CNTNAP2: variants seen among roughly 807,000 people sequenced by gnomAD.
The protein encoded by CNTNAP2 is contactin associated protein 2.
In CNTNAP2, 98 loss-of-function variants were observed where a neutral mutation model predicts 155.2. The ratio of observed to expected loss-of-function variants is 0.63; its 90% CI spans 0.54 to 0.75. The LOEUF (loss-of-function observed/expected upper bound fraction) is 0.75. CNTNAP2 is among the 30% of genes least tolerant of loss of function. CNTNAP2 has a pLI of 0.00. For missense variants in CNTNAP2, 1,727 were observed against 1,688.1 expected, an observed-to-expected ratio of 1.02 and a Z score of -0.40; for synonymous variants, 651 against 631.2, an observed-to-expected ratio of 1.03 and a Z score of -0.47.
intron 22 of CNTNAP2, among the ~76,000 whole-genome samples, chr7:148,406,809 C>T (rs940125513): frequency 6.6e-6 from 1 of 152,188 alleles, no homozygotes; most frequent in Admixed American, 6.5e-5. Flanking sequence ...TCTTCCTGTG[C>T]TTATGGTTTA....
At chr7:148,285,337 G>A (rs559501489) in intron 21 of CNTNAP2, among the ~76,000 whole-genome samples, 2 of 152,366 alleles carry the variant, frequency 1.3e-5, no homozygotes, top group South Asian at 4.1e-4. Flanking sequence ...CTTCTCCAAG[G>A]TAAATTCATT....
chr7:148,265,005 T>C (rs1250578437), intron 20 of CNTNAP2, among the ~76,000 whole-genome samples: 2 of 152,182 alleles, frequency 1.3e-5, no homozygotes, highest in East Asian at 3.9e-4. Flanking sequence ...AATTTAGTTT[T>C]TAAATTGTAA....
chr7:146,445,023 A>G (rs1796382652), intron 1 of CNTNAP2, among the ~76,000 whole-genome samples: 1 of 152,132 alleles, frequency 6.6e-6, no homozygotes, highest in African/African-American at 2.4e-5. Flanking sequence ...CACCAGGGAC[A>G]TTCTGCTCAA....
intron 1 of CNTNAP2, among the ~76,000 whole-genome samples, chr7:146,189,076 T>A (rs1019531851): frequency 1.3e-5 from 2 of 152,198 alleles, no homozygotes; most frequent in African/African-American, 4.8e-5. Flanking sequence ...GAAACACAGA[T>A]TGATAATAAA....
intron 21 of CNTNAP2, among the ~76,000 whole-genome samples, chr7:148,315,283 G>A (rs887362681): frequency 6.6e-5 from 10 of 152,142 alleles, no homozygotes; most frequent in Admixed American, 5.9e-4. Flanking sequence ...CTGGGTGCAG[G>A]CAGGCTGAGT....
intron 9 of CNTNAP2, among the ~76,000 whole-genome samples, chr7:147,310,677 A>G (rs1166835825): frequency 6.6e-6 from 1 of 152,208 alleles, no homozygotes; most frequent in Non-Finnish European, 1.5e-5. Flanking sequence ...GTGCTTTAAC[A>G]AAAAGAAAAA....
intron 1 of CNTNAP2, among the ~76,000 whole-genome samples, chr7:146,338,381 T>A (rs1476599232): frequency 6.6e-6 from 1 of 152,106 alleles, no homozygotes; most frequent in African/African-American, 2.4e-5. Flanking sequence ...TGCACGTATT[T>A]AAATTGAATA....
intron 1 of CNTNAP2, among the ~76,000 whole-genome samples, chr7:146,133,931 T>A (rs1797757256): frequency 6.6e-6 from 1 of 151,492 alleles, no homozygotes; most frequent in African/African-American, 2.4e-5. Context: ...TTTAAAGTAG[T>A]TTTTTCCAAT....
At chr7:146,620,648 T>C (rs1165699564) in intron 1 of CNTNAP2, among the ~76,000 whole-genome samples, 2 of 152,162 alleles carry the variant, frequency 1.3e-5, no homozygotes, top group Non-Finnish European at 2.9e-5. Context: ...ATATCCCACA[T>C]GTATTATGCA....
chr7:148,036,510 T>G (rs1802576502), intron 15 of CNTNAP2, among the ~76,000 whole-genome samples: 1 of 152,076 alleles, frequency 6.6e-6, no homozygotes, highest in African/African-American at 2.4e-5. Flanking sequence ...ATGCTTTCCA[T>G]GTGATGCTTT....
intron 6 of CNTNAP2, among the ~76,000 whole-genome samples, chr7:147,127,450 A>T (rs1395303562): frequency 1.3e-5 from 2 of 152,140 alleles, no homozygotes; most frequent in East Asian, 1.9e-4. Context: ...TAAGCATTTA[A>T]GATGCCATAA....
intron 8 of CNTNAP2, among the ~76,000 whole-genome samples, chr7:147,196,789 C>T (rs932410941): frequency 3.9e-5 from 6 of 152,096 alleles, no homozygotes; most frequent in African/African-American, 1.4e-4. Flanking sequence ...TACTGAATGA[C>T]GCGAAAAATA....
intron 8 of CNTNAP2, among the ~76,000 whole-genome samples, chr7:147,230,351 G>A (rs1007942376): frequency 1.3e-5 from 2 of 151,996 alleles, no homozygotes; most frequent in Non-Finnish European, 2.9e-5. Flanking sequence ...TCCGCCTCCT[G>A]GGTTCAAGCA....
chr7:146,837,286 C>T (rs556961220), intron 2 of CNTNAP2, among the ~76,000 whole-genome samples: 1 of 151,908 alleles, frequency 6.6e-6, no homozygotes, highest in South Asian at 2.1e-4. Flanking sequence ...AATTTAGATG[C>T]CTTATATGGC....
At chr7:147,186,584 T>G (rs536144536) in intron 8 of CNTNAP2, among the ~76,000 whole-genome samples, 3 of 152,314 alleles carry the variant, frequency 2.0e-5, no homozygotes, top group African/African-American at 7.2e-5. Context: ...CACTGACCCC[T>G]GTTCTCATTG....
chr7:146,616,422 A>G (rs996746381), intron 1 of CNTNAP2, among the ~76,000 whole-genome samples: 4 of 152,182 alleles, frequency 2.6e-5, no homozygotes. Flanking sequence ...TGAAATTTGC[A>G]GTGAGGATGA....
At chr7:146,867,425 T>C (rs1380618272) in intron 3 of CNTNAP2, among the ~76,000 whole-genome samples, 1 of 152,198 alleles carries the variant, frequency 6.6e-6, no homozygotes, top group Non-Finnish European at 1.5e-5. Context: ...TTGTCATTGA[T>C]GGGAATTTAG....
At chr7:147,964,935 T>C (rs1199467827) in intron 14 of CNTNAP2, among the ~76,000 whole-genome samples, 2 of 152,214 alleles carry the variant, frequency 1.3e-5, no homozygotes, top group East Asian at 3.8e-4. Context: ...TGGCTGGAGT[T>C]AACCACAAAG....
intron 10 of CNTNAP2, among the ~76,000 whole-genome samples, chr7:147,405,581 A>G (rs1387835118): frequency 2.6e-5 from 4 of 152,172 alleles, no homozygotes; most frequent in Non-Finnish European, 2.9e-5. Flanking sequence ...CTGAAAATGC[A>G]TATGCAAGTC....
Sources: gnomAD v4.1 joint callset for allele counts (sites outside exome capture counted in the v4.1 genomes callset) on GRCh38, gnomAD v4.1.1 for gene constraint, MANE v1.5 for transcripts, NCBI Gene and HGNC (gene_info 2026-07-23, HGNC 2026-07-21) for gene names.